The following ARFGAP3 variants were observed in gnomAD, a reference collection of about 807,000 sequenced individuals.
The protein encoded by ARFGAP3 is ADP-ribosylation factor GTPase-activating protein 3.
Under a neutral mutation model 75.0 loss-of-function variants are expected in ARFGAP3, and 72 were observed. The ratio of observed to expected loss-of-function variants is 0.96; its 90% confidence interval spans 0.79 to 1.17. ARFGAP3 has a LOEUF of 1.17. Ranked by LOEUF, ARFGAP3 falls within the 50% of genes most tolerant of loss-of-function variation. The probability of loss-of-function intolerance (pLI) is 0.00; values close to 1 mark genes in which losing one functional copy is unlikely to be tolerated. For missense variants in ARFGAP3, 620 were observed against 626.6 expected (o/e 0.99, Z 0.11); for synonymous variants, 221 against 217.9 (o/e 1.01, Z -0.13).
At chr22:42,810,779 T>G (rs1891455431) in intron 12 of ARFGAP3, 34 bp downstream of exon 12, 2 of 1,575,784 alleles carry the variant, frequency 1.3e-6, no homozygotes, top group African/African-American at 2.7e-5. Flanking sequence ...ATGCATGGAT[T>G]CACTACTACA....
intron 11 of ARFGAP3, among the ~76,000 whole-genome samples, chr22:42,811,361 C>A (rs989302557): frequency 1.2e-4 from 18 of 152,226 alleles, no homozygotes; most frequent in African/African-American, 4.3e-4. Flanking sequence ...CTTAGTATAA[C>A]TTGGCCTATC....
At chr22:42,829,715 G>A (rs1430719143) in intron 6 of ARFGAP3, among the ~76,000 whole-genome samples, 1 of 152,080 alleles carries the variant, frequency 6.6e-6, no homozygotes, top group Non-Finnish European at 1.5e-5. Flanking sequence ...CTATTTTTAT[G>A]TCATCAGATT....
At chr22:42,827,674 G>A (rs1569154849) in intron 6 of ARFGAP3, among the ~76,000 whole-genome samples, 1 of 151,784 alleles carries the variant, frequency 6.6e-6, no homozygotes, top group African/African-American at 2.4e-5. Context: ...CCTAATATGT[G>A]GAAATTCTAA....
At chr22:42,833,238 T>G (rs1451109917) in intron 5 of ARFGAP3, among the ~76,000 whole-genome samples, 2 of 152,164 alleles carry the variant, frequency 1.3e-5, no homozygotes, top group African/African-American at 4.8e-5. Context: ...AGCTTTGAGA[T>G]AATACTACAT....
intron 9 of ARFGAP3, among the ~76,000 whole-genome samples, chr22:42,821,003 C>G (rs920368399): frequency 6.6e-6 from 1 of 152,164 alleles, no homozygotes; most frequent in African/African-American, 2.4e-5. Context: ...CACAGCCTGA[C>G]TTTAAGGTGC....
intron 14 of ARFGAP3, among the ~76,000 whole-genome samples, chr22:42,801,395 A>C (rs1924854113): frequency 6.6e-6 from 1 of 152,204 alleles, no homozygotes; most frequent in African/African-American, 2.4e-5. Context: ...CTCTGAGCTA[A>C]CAACCACCCA....
chr22:42,812,836 C>T lies in ARFGAP3; in HGVS notation c.1065-1892G>A, dbSNP rs1189540755. The stretch of plus-strand genomic sequence containing the variant: ...AGCATCTACTCCTTAGGAAGGAAAA[C>T]GTGGTGTTCAAAGTGTATCTGGATT... On this transcript the variant is annotated intron_variant, in intron 11 of 15. Coordinates refer to ENST00000263245, the MANE Select transcript of ARFGAP3 (RefSeq NM_014570.5). Among the ~76,000 whole-genome samples the T allele has an allele frequency of 2.6e-5, 4 of 152,212 alleles. No homozygotes were observed. In the East Asian group the frequency reaches 5.8e-4, roughly 22 times the overall value.
chr22:42,824,170 ATT>A (rs57620930), intron 7 of ARFGAP3, among the ~76,000 whole-genome samples: 11,116 of 60,032 alleles, frequency 0.19, 1,337 homozygotes, highest in East Asian at 0.45. Flanking sequence ...ACATCTGGCT[ATT>A]TTTTTTTTTT....
chr22:42,826,211 A>G (rs1602110267), intron 7 of ARFGAP3, among the ~76,000 whole-genome samples: 1 of 152,200 alleles, frequency 6.6e-6, no homozygotes, highest in East Asian at 1.9e-4. Context: ...GAAAAATTTA[A>G]GATTAAGTTC....
chr22:42,844,275 C>T (rs968202642), intron 2 of ARFGAP3, among the ~76,000 whole-genome samples: 2 of 151,940 alleles, frequency 1.3e-5, no homozygotes, highest in African/African-American at 2.4e-5. Flanking sequence ...GAGATCATAG[C>T]TCACTGCAGC....
intron 12 of ARFGAP3, among the ~76,000 whole-genome samples, chr22:42,809,861 A>G (rs990356058): frequency 6.6e-6 from 1 of 151,796 alleles, no homozygotes. Context: ...AGAATTAGCC[A>G]GGCGTGGTGG....
At chr22:42,831,694 C>G in intron 5 of ARFGAP3, 58 bp from the exon 6 acceptor site, 1 of 1,607,508 alleles carries the variant, frequency 6.2e-7, no homozygotes, top group Non-Finnish European at 8.5e-7. Context: ...CCATAAAAAA[C>G]ACATCAAAGC....
intron 5 of ARFGAP3, among the ~76,000 whole-genome samples, chr22:42,832,527 C>T (rs1483487395): frequency 7.7e-6 from 1 of 129,316 alleles, no homozygotes; most frequent in Non-Finnish European, 1.7e-5. Flanking sequence ...GAGTAAGACT[C>T]CATCTCAAAA....
At chr22:42,819,105 G>A (rs749951293) in intron 9 of ARFGAP3, among the ~76,000 whole-genome samples, 2 of 152,086 alleles carry the variant, frequency 1.3e-5, no homozygotes, top group Non-Finnish European at 2.9e-5. Context: ...GAGCCACCGC[G>A]CCCGGTGCAG....
At chr22:42,822,761 T>C (rs1925868431) in intron 8 of ARFGAP3, among the ~76,000 whole-genome samples, 1 of 152,170 alleles carries the variant, frequency 6.6e-6, no homozygotes, top group African/African-American at 2.4e-5. Flanking sequence ...TAGTTACTAA[T>C]TCTGTGTTTT....
chr22:42,855,747 T>C (rs974882848), intron 1 of ARFGAP3, among the ~76,000 whole-genome samples: 1 of 150,176 alleles, frequency 6.7e-6, no homozygotes, highest in African/African-American at 2.4e-5. Context: ...TGGTGGCTCA[T>C]GCCTGTAATC....
intron 12 of ARFGAP3, among the ~76,000 whole-genome samples, chr22:42,810,003 TAA>T (rs35072147): frequency 0.57 from 58,396 of 101,668 alleles, 16,271 homozygotes; most frequent in African/African-American, 0.69. Context: ...GACTCCATCT[TAA>T]AAAAAAAAAA....
chr22:42,851,966 A>G (rs1180528171), intron 1 of ARFGAP3, among the ~76,000 whole-genome samples: 2 of 152,188 alleles, frequency 1.3e-5, no homozygotes, highest in African/African-American at 4.8e-5. Flanking sequence ...CATCAGGGCC[A>G]GCTTCCTGGG....
intron 1 of ARFGAP3, chr22:42,853,381 T>C (rs747235554): frequency 4.6e-6 from 1 of 216,662 alleles, no homozygotes; most frequent in East Asian, 1.1e-4. Context: ...GCTGGGTCTT[T>C]TGGATCGTTT....
Sources: gnomAD v4.1 joint callset for allele counts (sites outside exome capture counted in the v4.1 genomes callset) on GRCh38, gnomAD v4.1.1 for gene constraint, MANE v1.5 for transcripts, NCBI Gene and HGNC (gene_info 2026-07-23, HGNC 2026-07-21) for gene names.